The following SUMF1 variants were observed in gnomAD, a reference collection of about 807,000 sequenced individuals.
The protein encoded by SUMF1 is sulfatase modifying factor 1, also known as formylglycine-generating enzyme.
A neutral mutation model predicts 47.6 loss-of-function variants in SUMF1; 48 were observed. That is an observed-to-expected ratio of 1.01 (90% CI 0.80 to 1.28). SUMF1 has a LOEUF of 1.28. SUMF1 is among the 50% of genes most tolerant of loss of function. The probability of loss-of-function intolerance (pLI) is 0.00; values close to 1 mark genes in which losing one functional copy is unlikely to be tolerated. For synonymous variants in SUMF1, 230 were observed against 192.1 expected, an observed-to-expected ratio of 1.20 and a Z score of -1.63; for missense variants, 571 against 485.4, an observed-to-expected ratio of 1.18 and a Z score of -1.66.
intron 7 of SUMF1, among the ~76,000 whole-genome samples, chr3:4,383,699 G>A (rs183338557): frequency 1.6e-4 from 25 of 152,226 alleles, no homozygotes; most frequent in African/African-American, 5.3e-4. Flanking sequence ...AGGATTCTCC[G>A]GCTGTGACAA....
chr3:4,100,782 TA>T (rs1444302905), intron 8 of SUMF1, among the ~76,000 whole-genome samples: 2 of 151,964 alleles, frequency 1.3e-5, no homozygotes, highest in African/African-American at 4.8e-5. Flanking sequence ...TCAAAATATA[TA>T]AAGAACTCAA....
rs137852854 is a variant in SUMF1, at chr3:4,418,082, C to T, written c.653G>A (p.Cys218Tyr). 4.3e-6 allele frequency: 7 copies of T among 1,614,088 alleles called. No homozygotes were observed. The highest frequency in any genetic ancestry group is 1.7e-5 in the Admixed American group (1 of 60,026). ...HVSWNDAVAYCTWAGKRLPTE... is the reference protein window; with the variant it reads ...HVSWNDAVAYYTWAGKRLPTE... ...GGGCAGCCGCTTCCCTGCCCAAGTG[C>T]AGTAGGCAACCGCATCATTCCAGGA... The change falls in exon 5 of 9, where the codon TGC becomes TAC. Residue 218 changes from cysteine (C) to tyrosine (Y), a missense_variant. By Grantham distance (194) the Cys-to-Tyr change is radical. Transcript: ENST00000272902.
downstream of SUMF1, among the ~76,000 whole-genome samples, chr3:4,357,602 TTTATTTA>T (rs1372078396): frequency 6.7e-6 from 1 of 150,284 alleles, no homozygotes; most frequent in Non-Finnish European, 1.5e-5. Flanking sequence ...TATTTATTTA[TTTATTTA>T]TTTATTTATT....
intron 3 of SUMF1, among the ~76,000 whole-genome samples, chr3:4,432,433 G>A (rs896338697): frequency 3.3e-5 from 5 of 152,076 alleles, no homozygotes; most frequent in Non-Finnish European, 5.9e-5. Flanking sequence ...GCTTCTAACT[G>A]TGTTTCAGAT....
At chr3:4,404,051 A>G (rs895063270) in intron 7 of SUMF1, among the ~76,000 whole-genome samples, 1 of 152,252 alleles carries the variant, frequency 6.6e-6, no homozygotes, top group African/African-American at 2.4e-5. Context: ...TTTTCAAGCA[A>G]GAAGCATATG....
intron 3 of SUMF1, among the ~76,000 whole-genome samples, chr3:4,439,782 A>G (rs1052866233): frequency 1.3e-5 from 2 of 151,734 alleles, no homozygotes; most frequent in Non-Finnish European, 2.9e-5. Flanking sequence ...AACTGGTCTC[A>G]AACTCCTGGC....
In SUMF1 at chr3:4,410,994, G is replaced by C. The variant is rs376880649; in HGVS notation, c.841-16C>G. 1.0e-4 allele frequency: 165 copies of C among 1,601,238 alleles called. No individual in the cohort carries two copies. Among genetic ancestry groups the C allele is most frequent in the Non-Finnish European group, 1.4e-4 (162 of 1,168,500 alleles). ...AGGCATCAACCTAAAAACAAAGACA[G>C]GAAAAATGCTGTCAAACTATTCACC... On this transcript the variant is annotated splice_polypyrimidine_tract_variant and intron_variant, in intron 6 of 8. Transcript: ENST00000272902.
At chr3:4,366,111 C>G (rs535914521) in intron 8 of SUMF1, among the ~76,000 whole-genome samples, 1 of 151,586 alleles carries the variant, frequency 6.6e-6, no homozygotes, top group Non-Finnish European at 1.5e-5. Flanking sequence ...GGCTTCCCTT[C>G]GTGGGTAACC....
At chr3:4,393,665 A>T (rs1483465278) in intron 7 of SUMF1, among the ~76,000 whole-genome samples, 1 of 151,354 alleles carries the variant, frequency 6.6e-6, no homozygotes, top group East Asian at 1.9e-4. Context: ...TATTATTATT[A>T]TTTTTAATAA....
intron 8 of SUMF1, among the ~76,000 whole-genome samples, chr3:4,297,636 G>T (rs1298329006): frequency 7.1e-6 from 1 of 140,378 alleles, no homozygotes; most frequent in South Asian, 2.3e-4. Context: ...TCCTGGCCTT[G>T]AGCCATCCTC....
chr3:4,256,082 A>G, intron 8 of SUMF1, among the ~76,000 whole-genome samples: 1 of 149,364 alleles, frequency 6.7e-6, no homozygotes, highest in Non-Finnish European at 1.5e-5. Flanking sequence ...ACAAAGACAC[A>G]ACATACCAGA....
At chr3:4,411,513 T>C (rs1207835910) in intron 6 of SUMF1, among the ~76,000 whole-genome samples, 1 of 152,138 alleles carries the variant, frequency 6.6e-6, no homozygotes, top group South Asian at 2.1e-4. Context: ...ATAAAGAAAA[T>C]GTGAATCCAT....
At chr3:4,132,592 T>C (rs371460679) in intron 8 of SUMF1, among the ~76,000 whole-genome samples, 10 of 152,228 alleles carry the variant, frequency 6.6e-5, no homozygotes, top group African/African-American at 2.2e-4. Context: ...AAATTTTTGC[T>C]TCCTGTTTCC....
intron 8 of SUMF1, among the ~76,000 whole-genome samples, chr3:4,157,387 A>G (rs1018615474): frequency 1.3e-5 from 2 of 151,586 alleles, no homozygotes; most frequent in African/African-American, 2.4e-5. Context: ...GTCATTATCC[A>G]TAAGTTTATG....
intron 8 of SUMF1, among the ~76,000 whole-genome samples, chr3:4,131,893 G>C (rs908725120): frequency 7.9e-5 from 12 of 152,094 alleles, no homozygotes; most frequent in African/African-American, 2.9e-4. Context: ...GAACAAAGTG[G>C]CCATGGTGGC....
chr3:4,218,343 T>C (rs1695985382), intron 8 of SUMF1, among the ~76,000 whole-genome samples: 1 of 152,114 alleles, frequency 6.6e-6, no homozygotes, highest in African/African-American at 2.4e-5. Context: ...TGCAAAGATT[T>C]GACAAATTTA....
At position 4,361,977 on chromosome 3, in the gene SUMF1, C is replaced by G; in HGVS notation, c.*167G>C. ...ACACCATAAAGCACATGCACTGACC[C>G]AGGTCAGCAATTTGGTCTCACAAGG... On this transcript the variant is annotated 3_prime_UTR_variant, in exon 9 of 9. Coordinates refer to ENST00000272902, the MANE Select transcript of SUMF1 (RefSeq NM_182760.4). 4 of 642,098 alleles carry G rather than the reference C, an allele frequency of 6.2e-6. No individual in the cohort carries two copies. Among genetic ancestry groups the G allele is most frequent in the South Asian group, 3.6e-5 (2 of 56,032 alleles). The allele number at this position is 642,098 out of a possible 1,614,324, so 39.8% of individuals were successfully genotyped here. A position where few individuals can be genotyped will look rare whatever the true frequency, so the allele number is the denominator to read the frequency against.
intron 3 of SUMF1, among the ~76,000 whole-genome samples, chr3:4,443,323 A>G (rs1049963738): frequency 6.6e-6 from 1 of 152,092 alleles, no homozygotes; most frequent in Non-Finnish European, 1.5e-5. Flanking sequence ...GAAGAAAATG[A>G]TGCAAGAGAG....
At chr3:4,371,121 T>C (rs1199216294) in intron 8 of SUMF1, among the ~76,000 whole-genome samples, 1 of 152,182 alleles carries the variant, frequency 6.6e-6, no homozygotes, top group Non-Finnish European at 1.5e-5. Flanking sequence ...AAGCACATAA[T>C]TAAAGAGGTA....
Sources: allele counts gnomAD v4.1 joint callset (sites outside exome capture counted in the v4.1 genomes callset), GRCh38; gene constraint gnomAD v4.1.1; transcripts MANE v1.5; gene names NCBI Gene and HGNC (gene_info 2026-07-23, HGNC 2026-07-21).